APP: variants seen among roughly 807,000 people sequenced by gnomAD.
The protein encoded by APP is amyloid beta precursor protein, also known as amyloid-beta precursor protein.
A neutral mutation model predicts 101.4 loss-of-function variants in APP; 31 were observed. The observed-to-expected ratio is 0.31, with a 90% CI of 0.23 to 0.41. APP has a LOEUF of 0.41. Among genes scored for constraint, APP ranks in the 10% least tolerant of loss-of-function variants. The pLI is 1.00. For missense variants in APP, 839 were observed against 1,003.7 expected, an observed-to-expected ratio of 0.84 and a Z score of 2.22; for synonymous variants, 366 against 364.4, an observed-to-expected ratio of 1.00 and a Z score of -0.05.
chr21:26,011,609 TC>T (rs2043811583), intron 6 of APP, among the ~76,000 whole-genome samples: 2 of 151,912 alleles, frequency 1.3e-5, no homozygotes, highest in South Asian at 4.2e-4. Flanking sequence ...AGTACTAAGG[TC>T]CAGAAACCCT....
chr21:25,891,914 A>G (rs546708356), intron 16 of APP, 46 bp from the exon 17 acceptor site: 15 of 1,552,110 alleles, frequency 9.7e-6, no homozygotes, highest in African/African-American at 8.3e-5. Flanking sequence ...TAAATGCAAT[A>G]TAATTTACAA....
intron 4 of APP, among the ~76,000 whole-genome samples, chr21:26,051,446 A>G (rs140201126): frequency 6.6e-6 from 1 of 152,334 alleles, no homozygotes; most frequent in African/African-American, 2.4e-5. Context: ...GTTTATACGA[A>G]CAACTGGAAT....
chr21:25,946,509 T>A (rs1335090423), intron 13 of APP, among the ~76,000 whole-genome samples: 5 of 151,858 alleles, frequency 3.3e-5, no homozygotes, highest in Non-Finnish European at 5.9e-5. Context: ...CTACTAAAAA[T>A]ACAAAAATTA....
intron 8 of APP, among the ~76,000 whole-genome samples, chr21:25,995,409 A>G (rs2043013628): frequency 6.6e-6 from 1 of 150,478 alleles, no homozygotes; most frequent in African/African-American, 2.5e-5. Context: ...CCGGCAAAAC[A>G]ATGTCAGAAC....
At chr21:26,040,228 G>A (rs2045311919) in intron 5 of APP, among the ~76,000 whole-genome samples, 2 of 152,118 alleles carry the variant, frequency 1.3e-5, no homozygotes, top group South Asian at 2.1e-4. Flanking sequence ...AAACATTTTG[G>A]ATTTTAGGGC....
intron 13 of APP, among the ~76,000 whole-genome samples, chr21:25,930,977 A>T (rs1480139512): frequency 6.6e-6 from 1 of 152,190 alleles, no homozygotes; most frequent in Non-Finnish European, 1.5e-5. Context: ...GAAGCTGAAA[A>T]GAGTCACTTT....
At chr21:26,059,594 A>G (rs760310897) in intron 3 of APP, among the ~76,000 whole-genome samples, 9 of 152,186 alleles carry the variant, frequency 5.9e-5, no homozygotes, top group Non-Finnish European at 1.3e-4. Context: ...ATTTCACTTT[A>G]TAAGAGAAGG....
intron 1 of APP, among the ~76,000 whole-genome samples, chr21:26,146,910 T>C (rs1329513866): frequency 6.6e-6 from 1 of 152,122 alleles, no homozygotes; most frequent in Non-Finnish European, 1.5e-5. Flanking sequence ...CCCACCTTCC[T>C]TCTATGTACA....
rs538591381 is a variant in APP at position 26,078,697 on chromosome 21, T to C, written c.355+11246A>G. On this transcript the variant is annotated intron_variant, in intron 3 of 17. Coordinates refer to ENST00000346798, the MANE Select transcript of APP (RefSeq NM_000484.4). ...CTTAAGTTTTGTCACACACAAATTC[T>C]GTTTTCTACTACAGCTGTCTGGAAA... is the stretch of plus-strand genomic sequence containing the variant. 5.3e-5 allele frequency among the ~76,000 whole-genome samples: 8 copies of C among 152,354 alleles called. 1 individual carries two copies. The South Asian group carries it at 1.7e-3, about 32-fold the overall frequency.
intron 5 of APP, among the ~76,000 whole-genome samples, chr21:26,028,087 T>C (rs1340321949): frequency 6.6e-6 from 1 of 151,542 alleles, no homozygotes; most frequent in African/African-American, 2.4e-5. Flanking sequence ...TCCCAGCTAC[T>C]TGGGAGGCTG....
intron 3 of APP, among the ~76,000 whole-genome samples, chr21:26,087,034 C>T (rs1339269409): frequency 1.3e-5 from 2 of 152,200 alleles, no homozygotes; most frequent in Non-Finnish European, 2.9e-5. Flanking sequence ...ACATCAGTTA[C>T]ACCTATGTCC....
intron 13 of APP, among the ~76,000 whole-genome samples, chr21:25,914,767 A>G (rs1473872177): frequency 3.3e-5 from 5 of 152,034 alleles, no homozygotes; most frequent in Non-Finnish European, 5.9e-5. Context: ...GTTAGCCAGG[A>G]TGGTCTCCAT....
At chr21:25,986,447 T>C (rs1237900728) in intron 8 of APP, among the ~76,000 whole-genome samples, 1 of 152,138 alleles carries the variant, frequency 6.6e-6, no homozygotes, top group African/African-American at 2.4e-5. Context: ...GGCTCACACC[T>C]GTAATCCCAG....
chr21:25,981,748 G>A (rs1303100476), intron 9 of APP, among the ~76,000 whole-genome samples: 2 of 127,200 alleles, frequency 1.6e-5, no homozygotes, highest in East Asian at 2.3e-4. Context: ...AAAGTATAAT[G>A]AAAGGAGTAC....
Position 26,000,066 on chromosome 21 carries a change from G to A in APP, c.982C>T (p.Arg328Trp), listed in dbSNP as rs200978018. The A allele has an allele frequency of 3.6e-4, 576 of 1,613,970 alleles. No homozygotes were observed. The highest frequency in any genetic ancestry group is 4.6e-4 in the Non-Finnish European group (537 of 1,180,012). ...TACTCTTCTGTGTCAAAGTTGTTCCGGTTGCCGCCACATCCGCCGTAAAAG... is the reference window on the plus strand; with the variant it reads ...TACTCTTCTGTGTCAAAGTTGTTCCAGTTGCCGCCACATCCGCCGTAAAAG... ...PFFYGGCGGN[R>W]NNFDTEEYCM... The change falls in exon 7 of 18, where the codon CGG becomes TGG. Residue 328 changes from arginine to tryptophan, a missense_variant. Arg to Trp is a moderately radical substitution (Grantham distance 101). Transcript: ENST00000346798.
chr21:26,102,828 T>C (rs1160527316), intron 2 of APP, among the ~76,000 whole-genome samples: 3 of 131,398 alleles, frequency 2.3e-5, no homozygotes, highest in African/African-American at 8.9e-5. Flanking sequence ...ATGCAAAGAA[T>C]GCAGTGAGCC....
chr21:26,079,762 C>T (rs2061559776), intron 3 of APP, among the ~76,000 whole-genome samples: 1 of 152,122 alleles, frequency 6.6e-6, no homozygotes, highest in South Asian at 2.1e-4. Context: ...TTTATTTTTA[C>T]TTCTGTGGAT....
chr21:26,035,146 A>G (rs2146839505), intron 5 of APP, among the ~76,000 whole-genome samples: 1 of 152,106 alleles, frequency 6.6e-6, no homozygotes, highest in African/African-American at 2.4e-5. Flanking sequence ...AAAATTAGCC[A>G]GGTGCAGCCT....
chr21:25,948,743 C>A (rs1292818758), intron 13 of APP, among the ~76,000 whole-genome samples: 2 of 152,116 alleles, frequency 1.3e-5, no homozygotes, highest in African/African-American at 4.8e-5. Flanking sequence ...TGATAAATAA[C>A]CTCAGTGCCA....
Sources: allele counts gnomAD v4.1 joint callset (sites outside exome capture counted in the v4.1 genomes callset), GRCh38; gene constraint gnomAD v4.1.1; transcripts MANE v1.5; gene names NCBI Gene and HGNC (gene_info 2026-07-23, HGNC 2026-07-21).